The following SLC5A4 variants were observed in gnomAD, a reference collection of about 807,000 sequenced individuals.
SLC5A4 encodes the protein probable glucose sensor protein SLC5A4.
Under a neutral mutation model 70.3 loss-of-function variants are expected in SLC5A4, and 55 were observed. That is an observed-to-expected ratio of 0.78 (90% CI 0.63 to 0.98). SLC5A4 has a LOEUF of 0.98. Among genes scored for constraint, SLC5A4 ranks in the 50% least tolerant of loss-of-function variants. The pLI is 0.00. For missense variants in SLC5A4, 735 were observed against 839.2 expected, an observed-to-expected ratio of 0.88 and a Z score of 1.53; for synonymous variants, 268 against 305.7, an observed-to-expected ratio of 0.88 and a Z score of 1.29.
At chr22:32,252,405 C>T (rs1316888781) in intron 2 of SLC5A4, among the ~76,000 whole-genome samples, 1 of 152,008 alleles carries the variant, frequency 6.6e-6, no homozygotes, top group East Asian at 1.9e-4. Context: ...TAATGGTAAA[C>T]AATCTAAGTA....
At chr22:32,257,507 A>C (rs1313767871), upstream of SLC5A4, among the ~76,000 whole-genome samples, 1 of 151,996 alleles carries the variant, frequency 6.6e-6, no homozygotes, top group Non-Finnish European at 1.5e-5. Flanking sequence ...GGCACATGCC[A>C]CCCATGCCTG....
At chr22:32,234,278 G>A (rs941775901) in intron 8 of SLC5A4, among the ~76,000 whole-genome samples, 2 of 152,168 alleles carry the variant, frequency 1.3e-5, no homozygotes, top group East Asian at 1.9e-4. Context: ...AAGGATTTAG[G>A]GAACAGAAAT....
At chr22:32,323,322 C>T in the SLC5A4 span, among the ~76,000 whole-genome samples, 6 of 152,224 alleles carry the variant, frequency 3.9e-5, 1 homozygote, top group Admixed American at 3.3e-4. Context: ...AAAGCTGAAG[C>T]AATTCCCTTA....
chr22:32,349,484 A>G, the SLC5A4 span, among the ~76,000 whole-genome samples: 1 of 152,144 alleles, frequency 6.6e-6, no homozygotes, highest in Non-Finnish European at 1.5e-5. Context: ...AATCTGAACA[A>G]TTTTCTAAAG....
chr22:32,326,197 AGCAGCG>A, the SLC5A4 span, among the ~76,000 whole-genome samples: 8 of 152,266 alleles, frequency 5.3e-5, no homozygotes, highest in Non-Finnish European at 8.8e-5. Flanking sequence ...TGTGTTCCCC[AGCAGCG>A]GCAGCGGCTT....
At chr22:32,257,540 T>C (rs5998342), upstream of SLC5A4, among the ~76,000 whole-genome samples, 12,126 of 151,966 alleles carry the variant, frequency 0.08, 787 homozygotes, top group African/African-American at 0.18. Flanking sequence ...TTTTTAGAGG[T>C]GGGGGTCTTA....
At chr22:32,335,017 C>G in the SLC5A4 span, among the ~76,000 whole-genome samples, 4 of 152,158 alleles carry the variant, frequency 2.6e-5, no homozygotes, top group Admixed American at 6.5e-5. Flanking sequence ...AGGGAGAGAG[C>G]GGGGCCAGCT....
Position 32,220,909 on chromosome 22 carries a change from C to T in SLC5A4, c.1768+11G>A. The T allele has an allele frequency of 6.3e-7, 1 of 1,577,366 alleles. No individual in the cohort carries two copies. Among genetic ancestry groups the T allele is most frequent in the African/African-American group, 1.3e-5 (1 of 74,292 alleles). ...TTCCTACATGAAAACCAAATGTAAA[C>T]CAAATATTACCTTCTTCAACACCAT... On this transcript the variant is annotated intron_variant, in intron 14 of 14. Transcript: ENST00000266086.
At position 32,247,560 on chromosome 22, in the gene SLC5A4, C is replaced by A; in HGVS notation, c.373-45G>T. On this transcript the variant is annotated intron_variant, in intron 4 of 14. Coordinates refer to ENST00000266086, the MANE Select transcript of SLC5A4 (RefSeq NM_014227.3). ...CAGGGACTTAACTTACCCTTAGGGC[C>A]CTGTGCGTTCAGATTATTCAGCATT... The A allele has an allele frequency of 2.4e-6, 3 of 1,231,250 alleles. No individual in the cohort carries two copies. In the South Asian group the frequency reaches 3.6e-5, roughly 15 times the overall value. The allele number at this position is 1,231,250 out of a possible 1,614,324, so 76.3% of individuals were successfully genotyped here.
At chr22:32,326,854 C>T in the SLC5A4 span, among the ~76,000 whole-genome samples, 2 of 152,074 alleles carry the variant, frequency 1.3e-5, no homozygotes, top group Non-Finnish European at 2.9e-5. Flanking sequence ...GATGTGGCCA[C>T]GGGAGCAGAG....
At chr22:32,239,611 T>A in intron 5 of SLC5A4, among the ~76,000 whole-genome samples, 1 of 118,432 alleles carries the variant, frequency 8.4e-6, no homozygotes, top group East Asian at 2.8e-4. Flanking sequence ...ATAAAATATA[T>A]GTATAATATA....
chr22:32,291,368 G>A, the SLC5A4 span, among the ~76,000 whole-genome samples: 6 of 151,766 alleles, frequency 4.0e-5, no homozygotes, highest in African/African-American at 1.5e-4. Context: ...TAGTAGAGAC[G>A]GGGTTTCACC....
rs145360397 is a variant in SLC5A4, at chr22:32,247,781, A to G, written c.373-266T>C. Reference sequence around the variant, plus strand: ...GGTCTCTCTCCTGACCAATCTGCAGATCTCACTTTCCCACTGCCGGTTGGG... The same window carrying G: ...GGTCTCTCTCCTGACCAATCTGCAGGTCTCACTTTCCCACTGCCGGTTGGG... On this transcript the variant is annotated intron_variant, in intron 4 of 14. Transcript: ENST00000266086. Among the ~76,000 whole-genome samples the G allele has an allele frequency of 4.0e-3, 612 of 152,258 alleles. 7 individuals are homozygous for G. Among genetic ancestry groups the G allele is most frequent in the African/African-American group, 0.014 (595 of 41,556 alleles).
chr22:32,336,214 G>A, the SLC5A4 span, among the ~76,000 whole-genome samples: 1 of 152,050 alleles, frequency 6.6e-6, no homozygotes, highest in Non-Finnish European at 1.5e-5. Context: ...GTAGGATCTC[G>A]CGTCTTCCAC....
chr22:32,246,988 A>G lies in SLC5A4; in HGVS notation c.477+423T>C, dbSNP rs138608152. The stretch of plus-strand genomic sequence containing the variant: ...ACTTTCCTTGTGGTTCACGTGTCAG[A>G]TAATAAAACTGAAAATGAAAATATA... On this transcript the variant is annotated intron_variant, in intron 5 of 14. Coordinates refer to ENST00000266086, the MANE Select transcript of SLC5A4 (RefSeq NM_014227.3). 8.7e-3 allele frequency among the ~76,000 whole-genome samples: 1,333 copies of G among 152,364 alleles called. 26 individuals are homozygous for G. Among genetic ancestry groups the G allele is most frequent in the African/African-American group, 0.031 (1,271 of 41,586 alleles).
chr22:32,239,582 TTATA>T (rs1437907303), intron 5 of SLC5A4, among the ~76,000 whole-genome samples: 1 of 16,144 alleles, frequency 6.2e-5, no homozygotes, highest in Non-Finnish European at 1.0e-4. Context: ...ATATATATAT[TTATA>T]TATATATAAA....
chr22:32,245,600 A>G (rs1926773264), intron 5 of SLC5A4, among the ~76,000 whole-genome samples: 1 of 152,124 alleles, frequency 6.6e-6, no homozygotes, highest in African/African-American at 2.4e-5. Context: ...GGTTCACTGC[A>G]ACCTCTGCCT....
the SLC5A4 span, among the ~76,000 whole-genome samples, chr22:32,349,472 A>G: frequency 1.3e-5 from 2 of 152,196 alleles, no homozygotes; most frequent in Non-Finnish European, 2.9e-5. Flanking sequence ...TCCAAACCAC[A>G]TAATCTGAAC....
the SLC5A4 span, among the ~76,000 whole-genome samples, chr22:32,293,988 T>A: frequency 1.3e-5 from 2 of 152,172 alleles, no homozygotes; most frequent in African/African-American, 4.8e-5. Flanking sequence ...CTAATTGTGC[T>A]TCCTTGAAGT....
Sources: allele counts gnomAD v4.1 joint callset (sites outside exome capture counted in the v4.1 genomes callset), GRCh38; gene constraint gnomAD v4.1.1; transcripts MANE v1.5; gene names NCBI Gene and HGNC (gene_info 2026-07-23, HGNC 2026-07-21).